GRM8: variants seen among roughly 807,000 people sequenced by gnomAD.
GRM8 encodes metabotropic glutamate receptor 8.
In GRM8, 47 loss-of-function variants were observed where a neutral mutation model predicts 87.2. The observed-to-expected ratio is 0.54, with a 90% CI of 0.43 to 0.69. The LOEUF is 0.69. Ranked by LOEUF, GRM8 falls within the 30% of genes least tolerant of loss-of-function variation. The pLI is 0.00. For missense variants in GRM8, 1,019 were observed against 1,139.2 expected (o/e 0.89, Z 1.52); for synonymous variants, 396 against 404.5 (o/e 0.98, Z 0.25).
intron 7 of GRM8, among the ~76,000 whole-genome samples, chr7:126,707,931 A>G (rs1437327600): frequency 6.6e-6 from 1 of 152,190 alleles, no homozygotes; most frequent in Non-Finnish European, 1.5e-5. Flanking sequence ...CTACACAGCA[A>G]AGGAAAGAGT....
At chr7:126,967,602 C>G (rs556231386) in intron 3 of GRM8, among the ~76,000 whole-genome samples, 2 of 152,088 alleles carry the variant, frequency 1.3e-5, no homozygotes, top group South Asian at 4.2e-4. Context: ...CTTGCTTCTT[C>G]ATTTTTGACT....
At chr7:127,081,407 C>T (rs933007059) in intron 3 of GRM8, among the ~76,000 whole-genome samples, 1 of 152,254 alleles carries the variant, frequency 6.6e-6, no homozygotes, top group Non-Finnish European at 1.5e-5. Flanking sequence ...TGGCATCACC[C>T]CTACCCAGAG....
intron 2 of GRM8, among the ~76,000 whole-genome samples, chr7:127,220,007 A>G (rs182489071): frequency 5.5e-4 from 84 of 152,306 alleles, no homozygotes; most frequent in Non-Finnish European, 9.3e-4. Context: ...GAATCTTCCT[A>G]CCGCCCCAAC....
chr7:127,220,256 T>C (rs1796835579), intron 2 of GRM8, among the ~76,000 whole-genome samples: 1 of 152,136 alleles, frequency 6.6e-6, no homozygotes, highest in Non-Finnish European at 1.5e-5. Flanking sequence ...CATGGACATA[T>C]ATGAAAATAC....
At chr7:126,840,334 T>C (rs1436101247) in intron 6 of GRM8, among the ~76,000 whole-genome samples, 2 of 152,200 alleles carry the variant, frequency 1.3e-5, no homozygotes, top group African/African-American at 4.8e-5. Flanking sequence ...CTATTACCTT[T>C]TTATTTAAAA....
At chr7:127,133,706 CAAAAAA>C (rs137900224) in intron 2 of GRM8, among the ~76,000 whole-genome samples, 3 of 98,774 alleles carry the variant, frequency 3.0e-5, no homozygotes, top group Non-Finnish European at 6.3e-5. Context: ...ACTCCCTCTC[CAAAAAA>C]AAAAAAAAAA....
chr7:127,083,223 C>T (rs988665402), intron 3 of GRM8, among the ~76,000 whole-genome samples: 6 of 152,156 alleles, frequency 3.9e-5, no homozygotes, highest in South Asian at 2.1e-4. Context: ...TCCTCACTTT[C>T]GTTGATAATA....
intron 7 of GRM8, among the ~76,000 whole-genome samples, chr7:126,718,603 T>G (rs1402604616): frequency 6.6e-6 from 1 of 152,176 alleles, no homozygotes; most frequent in Non-Finnish European, 1.5e-5. Context: ...GAGTCAAAGG[T>G]AGATGTAACC....
intron 3 of GRM8, among the ~76,000 whole-genome samples, chr7:127,053,681 A>C (rs1476186233): frequency 3.4e-5 from 5 of 149,150 alleles, no homozygotes; most frequent in African/African-American, 1.2e-4. Flanking sequence ...CCAGCTACTC[A>C]GGAGGCTGAG....
intron 6 of GRM8, among the ~76,000 whole-genome samples, chr7:126,783,521 G>C (rs1020172907): frequency 3.9e-5 from 6 of 152,072 alleles, no homozygotes; most frequent in African/African-American, 1.4e-4. Context: ...AGCCCTACCT[G>C]CTTTTTTCTA....
chr7:126,682,625 C>T (rs144156424), intron 7 of GRM8, among the ~76,000 whole-genome samples: 502 of 152,280 alleles, frequency 3.3e-3, no homozygotes, highest in Non-Finnish European at 5.3e-3. Context: ...AGTTTTCTGG[C>T]GACTCGGCCT....
intron 3 of GRM8, among the ~76,000 whole-genome samples, chr7:127,010,667 A>G (rs1814797196): frequency 6.6e-6 from 1 of 152,188 alleles, no homozygotes. Context: ...CTCACTCAGT[A>G]CAATATAAAC....
intron 8 of GRM8, among the ~76,000 whole-genome samples, chr7:126,562,629 T>C (rs995252583): frequency 3.3e-5 from 5 of 152,184 alleles, no homozygotes; most frequent in Admixed American, 2.6e-4. Flanking sequence ...GCGTGGTGGC[T>C]CACGCCTGTA....
intron 7 of GRM8, among the ~76,000 whole-genome samples, chr7:126,753,497 A>C (rs1254372680): frequency 6.6e-6 from 1 of 151,738 alleles, no homozygotes; most frequent in Non-Finnish European, 1.5e-5. Context: ...CACACATATT[A>C]AAACTAAAAG....
intron 6 of GRM8, among the ~76,000 whole-genome samples, chr7:126,874,451 T>G (rs1193190064): frequency 6.6e-6 from 1 of 152,096 alleles, no homozygotes; most frequent in Admixed American, 6.6e-5. Flanking sequence ...GTACCTGGAC[T>G]GCAACTAGAA....
intron 9 of GRM8, among the ~76,000 whole-genome samples, chr7:126,518,966 C>G (rs747005159): frequency 5.9e-5 from 9 of 152,026 alleles, no homozygotes; most frequent in Non-Finnish European, 8.8e-5. Flanking sequence ...GTCTACCAGG[C>G]CAATCATTTC....
chr7:126,617,269 C>T (rs1799605397), intron 7 of GRM8, among the ~76,000 whole-genome samples: 1 of 152,136 alleles, frequency 6.6e-6, no homozygotes, highest in Non-Finnish European at 1.5e-5. Context: ...GAACCAAAGA[C>T]AAAAGCCACA....
intron 2 of GRM8, among the ~76,000 whole-genome samples, chr7:127,169,018 C>G (rs1793624931): frequency 6.7e-6 from 1 of 149,766 alleles, no homozygotes; most frequent in Non-Finnish European, 1.5e-5. Flanking sequence ...AAAAAAACCT[C>G]TAACTTTTAA....
Position 127,143,613 on chromosome 7 carries a change from T to TC in GRM8, c.511-36902_511-36901insG, listed in dbSNP as rs546404981. Among the ~76,000 whole-genome samples the TC allele has an allele frequency of 1.1e-3, 166 of 152,222 alleles. 1 individual carries two copies. Among genetic ancestry groups the TC allele is most frequent in the African/African-American group, 3.9e-3 (161 of 41,556 alleles). On this transcript the variant is annotated intron_variant, in intron 2 of 10. Coordinates refer to ENST00000339582, the MANE Select transcript of GRM8 (RefSeq NM_000845.3). Reference sequence around the variant, plus strand: ...AGAAGATACTAAAGCTTACAGAGGTTAAAAAATTTGCCCATGATCATTTGG... The same window carrying TC: ...AGAAGATACTAAAGCTTACAGAGGTTCAAAAAATTTGCCCATGATCATTTGG...
Sources: allele counts gnomAD v4.1 joint callset (sites outside exome capture counted in the v4.1 genomes callset), GRCh38; gene constraint gnomAD v4.1.1; transcripts MANE v1.5; gene names NCBI Gene and HGNC (gene_info 2026-07-23, HGNC 2026-07-21).